The following USH2A variants were observed in gnomAD, a reference collection of about 807,000 sequenced individuals.
The protein encoded by USH2A is Usher syndrome 2A (autosomal recessive, mild).
In USH2A, 443 loss-of-function variants were observed where a neutral mutation model predicts 538.9. The ratio of observed to expected loss-of-function variants is 0.82; its 90% confidence interval spans 0.76 to 0.89. The LOEUF (loss-of-function observed/expected upper bound fraction) is 0.89. Among genes scored for constraint, USH2A ranks in the 40% least tolerant of loss-of-function variants. The pLI, the probability that USH2A is intolerant of heterozygous loss-of-function variation, is 0.00. For synonymous variants in USH2A, 2,413 were observed against 2,273.5 expected (o/e 1.06, Z -1.75); for missense variants, 6,633 against 6,324.8 (o/e 1.05, Z -1.65).
chr1:216,170,823 G>A (rs2034263851), intron 21 of USH2A, among the ~76,000 whole-genome samples: 1 of 151,886 alleles, frequency 6.6e-6, no homozygotes, highest in Non-Finnish European at 1.5e-5. Flanking sequence ...TGAAAAAAAC[G>A]AGCATGATTT....
At chr1:216,293,277 G>T (rs2037042778) in intron 9 of USH2A, among the ~76,000 whole-genome samples, 1 of 152,072 alleles carries the variant, frequency 6.6e-6, no homozygotes, top group Non-Finnish European at 1.5e-5. Context: ...GCCCACCTCG[G>T]CCGCCCAAAG....
At position 216,125,362 on chromosome 1, in the gene USH2A, G is replaced by A. The variant is rs796990203; in HGVS notation, c.4628-28149C>T. On this transcript the variant is annotated intron_variant, in intron 21 of 71. Transcript: ENST00000307340. ...AATCGCTATTAGCTGTCTTTTCCCT[G>A]CCTCTCGTGCTATAAGGCTCCAATC... 8.6e-5 allele frequency among the ~76,000 whole-genome samples: 13 copies of A among 151,994 alleles called. No individual in the cohort carries two copies. The South Asian group carries it at 2.5e-3, about 29-fold the overall frequency.
At position 215,782,790 on chromosome 1, in the gene USH2A, G is replaced by A. The variant is rs1397341233; in HGVS notation, c.10533C>T (p.Asp3511=). The change falls in exon 53 of 72, where the codon GAC becomes GAT. Residue 3511 remains aspartate, a synonymous_variant. Transcript: ENST00000307340. ...GVSPPTWTKI[D]NLEDTIVLNW... ...TTAAGACAATTGTATCTTCAAGATTGTCTATTTTGGTCCACGTAGGGGGAC... is the reference window on the plus strand; with the variant it reads ...TTAAGACAATTGTATCTTCAAGATTATCTATTTTGGTCCACGTAGGGGGAC... The A allele has an allele frequency of 3.1e-6, 5 of 1,613,820 alleles. No homozygotes were observed. In the African/African-American group the frequency reaches 5.3e-5, roughly 17 times the overall value.
intron 14 of USH2A, among the ~76,000 whole-genome samples, chr1:216,230,819 T>C (rs1374357012): frequency 6.6e-6 from 1 of 151,916 alleles, no homozygotes; most frequent in East Asian, 1.9e-4. Flanking sequence ...TTCTCAGGGA[T>C]AGGAGCTTCA....
intron 60 of USH2A, among the ~76,000 whole-genome samples, chr1:215,737,652 G>A (rs1571635613): frequency 6.6e-6 from 1 of 151,862 alleles, no homozygotes; most frequent in East Asian, 1.9e-4. Flanking sequence ...TACATGTATG[G>A]ATAGGTAGAT....
intron 61 of USH2A, among the ~76,000 whole-genome samples, chr1:215,694,007 CAGA>C (rs1366029079): frequency 6.6e-6 from 1 of 152,114 alleles, no homozygotes; most frequent in Admixed American, 6.6e-5. Context: ...TTGATAAACA[CAGA>C]CAAAATATTT....
rs138543813 is a variant in USH2A, at chr1:215,798,994, C to T, written c.9871G>A (p.Gly3291Ser). The stretch of plus-strand genomic sequence containing the variant: ...ATCTGTCTGCCACAGCACTTCTGGC[C>T]ATGGCCATCATGAAGCCTCCCAGCA... Reference protein sequence around the residue: ...CCAGRLHDGHGQKCCGRQIVS... With the variant: ...CCAGRLHDGHSQKCCGRQIVS... Residue 3291 changes from glycine to serine, a missense_variant, in exon 50 of 72, where the codon GGC (glycine) becomes AGC (serine). Gly to Ser is a moderately conservative substitution (Grantham distance 56, BLOSUM62 0). Coordinates refer to ENST00000307340, the MANE Select transcript of USH2A (RefSeq NM_206933.4). The T allele has an allele frequency of 4.1e-4, 664 of 1,613,984 alleles. 1 individual carries two copies. Among genetic ancestry groups the T allele is most frequent in the Non-Finnish European group, 5.3e-4 (626 of 1,180,010 alleles).
chr1:216,137,958 T>TA (rs895076219), intron 21 of USH2A, among the ~76,000 whole-genome samples: 1 of 151,890 alleles, frequency 6.6e-6, no homozygotes, highest in Non-Finnish European at 1.5e-5. Flanking sequence ...ATTTTGAATT[T>TA]AAAAAAACGA....
At chr1:216,232,672 C>T (rs898711507) in intron 13 of USH2A, among the ~76,000 whole-genome samples, 93 of 152,078 alleles carry the variant, frequency 6.1e-4, no homozygotes, top group African/African-American at 2.2e-3. Context: ...TCTCTGACCC[C>T]CTATATTTTG....
At chr1:215,696,690 C>A (rs111919211) in intron 61 of USH2A, among the ~76,000 whole-genome samples, 5 of 152,072 alleles carry the variant, frequency 3.3e-5, no homozygotes, top group African/African-American at 1.2e-4. Flanking sequence ...CAGACTTGTG[C>A]CCCTGCTCTC....
chr1:216,166,634 G>C (rs1233784013), intron 21 of USH2A, among the ~76,000 whole-genome samples: 2 of 152,114 alleles, frequency 1.3e-5, no homozygotes, highest in Non-Finnish European at 2.9e-5. Context: ...ATCATTAATA[G>C]AATGGGAGGA....
rs376158815 is a variant in USH2A, at chr1:216,124,692, T to C, written c.4628-27479A>G. ...CAACAAATCTGCCAAATGCTAATGATTCAAACAAGGAGGCAATAATTGAAA... is the reference window on the plus strand; with the variant it reads ...CAACAAATCTGCCAAATGCTAATGACTCAAACAAGGAGGCAATAATTGAAA... On this transcript the variant is annotated intron_variant, in intron 21 of 71. Coordinates refer to ENST00000307340, the MANE Select transcript of USH2A (RefSeq NM_206933.4). Among the ~76,000 whole-genome samples, 14 of 152,308 alleles carry C rather than the reference T, an allele frequency of 9.2e-5. 1 individual carries two copies. Among genetic ancestry groups the C allele is most frequent in the Admixed American group, 3.3e-4 (5 of 15,288 alleles).
chr1:216,413,879 T>C (rs912969086), intron 3 of USH2A, among the ~76,000 whole-genome samples: 9 of 152,144 alleles, frequency 5.9e-5, no homozygotes, highest in Non-Finnish European at 1.2e-4. Context: ...GATGATTCTT[T>C]GACACTATTT....
At chr1:215,969,528 G>T (rs1453483562) in intron 36 of USH2A, among the ~76,000 whole-genome samples, 1 of 151,772 alleles carries the variant, frequency 6.6e-6, no homozygotes, top group African/African-American at 2.4e-5. Context: ...CTCATGTGAC[G>T]TGTTCTTTTG....
intron 69 of USH2A, 71 bp downstream of exon 69, chr1:215,639,084 T>G (rs1228598221): frequency 7.1e-7 from 1 of 1,401,600 alleles, no homozygotes; most frequent in Non-Finnish European, 1.0e-6. Flanking sequence ...CAAGTATGTA[T>G]AAACAAACAT....
At chr1:215,794,781 A>G (rs768625165) in intron 50 of USH2A, among the ~76,000 whole-genome samples, 6 of 152,202 alleles carry the variant, frequency 3.9e-5, no homozygotes, top group Non-Finnish European at 5.9e-5. Flanking sequence ...TTTGACTGGC[A>G]TGCGACATCA....
At chr1:215,946,498 A>AT (rs1330267046) in intron 37 of USH2A, among the ~76,000 whole-genome samples, 2 of 152,236 alleles carry the variant, frequency 1.3e-5, no homozygotes, top group Non-Finnish European at 2.9e-5. Context: ...GTTTGACTCT[A>AT]TTAGTTGAGC....
intron 30 of USH2A, among the ~76,000 whole-genome samples, chr1:216,050,872 T>C (rs978300250): frequency 1.3e-5 from 2 of 151,972 alleles, no homozygotes; most frequent in Non-Finnish European, 2.9e-5. Context: ...CCCAAAGTGC[T>C]GGGATTACAG....
At chr1:216,210,173 T>A (rs669616) in intron 15 of USH2A, among the ~76,000 whole-genome samples, 33,821 of 151,884 alleles carry the variant, frequency 0.22, 3,810 homozygotes, top group Non-Finnish European at 0.25. Context: ...TTTTTTTTTT[T>A]AAATCACATT....
Sources: allele counts gnomAD v4.1 joint callset (sites outside exome capture counted in the v4.1 genomes callset), GRCh38; gene constraint gnomAD v4.1.1; transcripts MANE v1.5; gene names NCBI Gene and HGNC (gene_info 2026-07-23, HGNC 2026-07-21).